Variants in PDZRN3 observed in about 807,000 individuals in gnomAD.
The protein encoded by PDZRN3 is E3 ubiquitin-protein ligase PDZRN3.
Under a neutral mutation model 85.7 loss-of-function variants are expected in PDZRN3, and 38 were observed. That is an observed-to-expected ratio of 0.44 (90% confidence interval 0.34 to 0.58). The LOEUF (loss-of-function observed/expected upper bound fraction) is 0.58. Ranked by LOEUF, PDZRN3 falls within the 20% of genes least tolerant of loss-of-function variation. The pLI is 0.01. For missense variants in PDZRN3, 1,629 were observed against 1,506.4 expected (o/e 1.08, Z -1.35); for synonymous variants, 759 against 638.0 (o/e 1.19, Z -2.86).
chr3:73,462,893 T>A (rs1703137966), intron 3 of PDZRN3, among the ~76,000 whole-genome samples: 1 of 152,200 alleles, frequency 6.6e-6, no homozygotes, highest in Non-Finnish European at 1.5e-5. Flanking sequence ...TTAATGGGAC[T>A]AAGTATTATG....
At chr3:73,386,232 T>TC (rs1701383359) in intron 8 of PDZRN3, among the ~76,000 whole-genome samples, 1 of 137,912 alleles carries the variant, frequency 7.3e-6, no homozygotes, top group Admixed American at 7.2e-5. Context: ...ATCACTTTTT[T>TC]TTTTTTTTTT....
intron 3 of PDZRN3, among the ~76,000 whole-genome samples, chr3:73,447,614 C>T (rs1702776754): frequency 1.3e-5 from 2 of 152,210 alleles, no homozygotes; most frequent in Admixed American, 6.5e-5. Flanking sequence ...CAACCAAGAG[C>T]TTGTTGTAAG....
intron 3 of PDZRN3, among the ~76,000 whole-genome samples, chr3:73,531,426 C>T (rs1336337722): frequency 1.3e-5 from 2 of 152,168 alleles, no homozygotes; most frequent in African/African-American, 4.8e-5. Context: ...TTGTTCCTAT[C>T]TCTATCATAA....
At chr3:73,404,032 G>A (rs1701804432) in intron 4 of PDZRN3, 116 bp downstream of exon 4, 1 of 975,018 alleles carries the variant, frequency 1.0e-6, no homozygotes, top group Non-Finnish European at 1.5e-6. Context: ...AGTTAAACAT[G>A]GGCAACTTGG....
intron 3 of PDZRN3, among the ~76,000 whole-genome samples, chr3:73,557,174 A>G (rs1161047666): frequency 1.3e-5 from 2 of 152,100 alleles, no homozygotes; most frequent in Non-Finnish European, 2.9e-5. Context: ...ACAGGGAAAA[A>G]TCTCTAGAGC....
chr3:73,551,688 CAAAAAAAAAAAA>C (rs71126878), intron 3 of PDZRN3, among the ~76,000 whole-genome samples: 36 of 104,568 alleles, frequency 3.4e-4, no homozygotes, highest in African/African-American at 1.3e-3. Context: ...GACCCTGTTT[CAAAAAAAAAAAA>C]AAAAAAAAGG....
chr3:73,607,925 G>T (rs1702626877), intron 2 of PDZRN3, among the ~76,000 whole-genome samples: 1 of 152,210 alleles, frequency 6.6e-6, no homozygotes, highest in East Asian at 1.9e-4. Flanking sequence ...ACAAGGAGAT[G>T]GTCAGGAAAA....
intron 3 of PDZRN3, among the ~76,000 whole-genome samples, chr3:73,527,372 A>G (rs1467887531): frequency 6.6e-6 from 1 of 152,194 alleles, no homozygotes; most frequent in Non-Finnish European, 1.5e-5. Context: ...TTATCAATTC[A>G]ATATTGAAAA....
chr3:73,584,095 G>A (rs1354193398), intron 3 of PDZRN3, among the ~76,000 whole-genome samples: 7 of 150,986 alleles, frequency 4.6e-5, no homozygotes, highest in Admixed American at 1.3e-4. Context: ...GACAAGGCCA[G>A]GACATTCCCT....
chr3:73,545,419 T>C (rs1340917786), intron 3 of PDZRN3, among the ~76,000 whole-genome samples: 3 of 152,214 alleles, frequency 2.0e-5, no homozygotes, highest in Admixed American at 1.3e-4. Context: ...TTTAATAATA[T>C]GTTCTACAAC....
intron 3 of PDZRN3, among the ~76,000 whole-genome samples, chr3:73,417,439 T>A (rs978164480): frequency 1.3e-5 from 2 of 152,224 alleles, no homozygotes. Context: ...CTATGCTGTG[T>A]GTGCACGTGC....
intron 3 of PDZRN3, among the ~76,000 whole-genome samples, chr3:73,502,802 G>T (rs1434155913): frequency 6.6e-6 from 1 of 152,194 alleles, no homozygotes; most frequent in Non-Finnish European, 1.5e-5. Flanking sequence ...AAATCCTAGA[G>T]CCTGGTATCA....
intron 3 of PDZRN3, among the ~76,000 whole-genome samples, chr3:73,483,799 G>C (rs1036066249): frequency 1.3e-5 from 2 of 152,220 alleles, no homozygotes; most frequent in African/African-American, 4.8e-5. Context: ...CAGTCTGGCT[G>C]ACGTTTGGGT....
intron 3 of PDZRN3, among the ~76,000 whole-genome samples, chr3:73,422,801 A>C (rs1255693980): frequency 6.6e-6 from 1 of 152,178 alleles, no homozygotes; most frequent in African/African-American, 2.4e-5. Flanking sequence ...GGGGAGGGAG[A>C]GATTAGACAG....
chr3:73,421,708 C>T (rs1192854530), intron 3 of PDZRN3, among the ~76,000 whole-genome samples: 1 of 152,184 alleles, frequency 6.6e-6, no homozygotes, highest in East Asian at 1.9e-4. Context: ...AGTGCAGTGG[C>T]ATGATCTCGG....
At chr3:73,434,288 T>C (rs867416229) in intron 3 of PDZRN3, among the ~76,000 whole-genome samples, 13 of 152,322 alleles carry the variant, frequency 8.5e-5, no homozygotes, top group Non-Finnish European at 1.3e-4. Flanking sequence ...TTTAAATATA[T>C]CATAAAATTT....
intron 3 of PDZRN3, 23 bp downstream of exon 3, chr3:73,602,331 G>C: frequency 7.9e-7 from 1 of 1,262,576 alleles, no homozygotes; most frequent in Non-Finnish European, 1.2e-6. Flanking sequence ...CCTATTCAAA[G>C]ACACTGGCCA....
intron 3 of PDZRN3, among the ~76,000 whole-genome samples, chr3:73,566,821 G>A (rs897406757): frequency 6.6e-6 from 1 of 152,084 alleles, no homozygotes; most frequent in Non-Finnish European, 1.5e-5. Context: ...GGTGTCTCTG[G>A]AGACTGTCAT....
intron 3 of PDZRN3, among the ~76,000 whole-genome samples, chr3:73,503,794 C>G (rs1023502005): frequency 3.9e-5 from 6 of 152,126 alleles, no homozygotes; most frequent in African/African-American, 1.4e-4. Flanking sequence ...GTATCACAAA[C>G]TGAAATTAAA....
Sources: gnomAD v4.1 joint callset for allele counts (sites outside exome capture counted in the v4.1 genomes callset) on GRCh38, gnomAD v4.1.1 for gene constraint, MANE v1.5 for transcripts, NCBI Gene and HGNC (gene_info 2026-07-23, HGNC 2026-07-21) for gene names.